Variants in PSD3 observed in about 807,000 individuals in gnomAD.
PSD3 encodes the protein pleckstrin and Sec7 domain containing 3.
In PSD3, 49 loss-of-function variants were observed where a neutral mutation model predicts 105.5. The ratio of observed to expected loss-of-function variants is 0.46; its 90% CI spans 0.37 to 0.59. PSD3 has a LOEUF of 0.59. Ranked by LOEUF, PSD3 falls within the 20% of genes least tolerant of loss-of-function variation. The probability of loss-of-function intolerance (pLI) is 0.00; values close to 1 mark genes in which losing one functional copy is unlikely to be tolerated. For synonymous variants in PSD3, 557 were observed against 457.8 expected, an observed-to-expected ratio of 1.22 and a Z score of -2.77; for missense variants, 1,561 against 1,263.8, an observed-to-expected ratio of 1.24 and a Z score of -3.57.
intron 4 of PSD3, among the ~76,000 whole-genome samples, chr8:18,852,643 T>C (rs1815683366): frequency 2.0e-5 from 3 of 152,168 alleles, no homozygotes; most frequent in Non-Finnish European, 4.4e-5. Context: ...GAAGGCTGCA[T>C]TTGAGAGATG....
chr8:18,806,481 T>C (rs1346175451), intron 4 of PSD3, among the ~76,000 whole-genome samples: 3 of 152,202 alleles, frequency 2.0e-5, no homozygotes, highest in African/African-American at 7.2e-5. Context: ...TTCCAAATCT[T>C]TATCTTAACT....
chr8:19,003,044 A>T (rs530950632), intron 1 of PSD3, among the ~76,000 whole-genome samples: 1 of 152,172 alleles, frequency 6.6e-6, no homozygotes, highest in African/African-American at 2.4e-5. Context: ...GCCCCTTCTA[A>T]CCACTAAATG....
chr8:18,682,920 T>C (rs890842217), intron 9 of PSD3, among the ~76,000 whole-genome samples: 1 of 152,016 alleles, frequency 6.6e-6, no homozygotes, highest in Non-Finnish European at 1.5e-5. Context: ...CTCTGCACAT[T>C]ATCAAGCCCA....
intron 11 of PSD3, among the ~76,000 whole-genome samples, chr8:18,604,785 G>C (rs1287578097): frequency 6.6e-6 from 1 of 152,194 alleles, no homozygotes; most frequent in Non-Finnish European, 1.5e-5. Flanking sequence ...AGCTTCTCCA[G>C]GTTCAGCCAT....
Position 18,559,041 on chromosome 8 carries a change from T to C in PSD3, c.2785-2689A>G, listed in dbSNP as rs540336567. Among the ~76,000 whole-genome samples the C allele has an allele frequency of 2.6e-5, 4 of 152,318 alleles. No individual in the cohort carries two copies. The East Asian group carries it at 7.7e-4, about 29-fold the overall frequency. On this transcript the variant is annotated intron_variant, in intron 14 of 15. Transcript: ENST00000327040. ...AAGGATATTTAGCTTGTTTTCAGGT[T>C]TCCTGTTGTGGGATTTTTTTTCCCT... is the stretch of plus-strand genomic sequence containing the variant.
intron 11 of PSD3, among the ~76,000 whole-genome samples, chr8:18,619,500 G>A (rs112417347): frequency 3.3e-5 from 5 of 152,154 alleles, no homozygotes; most frequent in African/African-American, 7.2e-5. Flanking sequence ...AAAATTAGCC[G>A]GGTGTGGTGG....
chr8:18,621,781 T>G (rs1180860953), intron 11 of PSD3, among the ~76,000 whole-genome samples: 1 of 152,186 alleles, frequency 6.6e-6, no homozygotes, highest in Non-Finnish European at 1.5e-5. Context: ...TGCTTGGCTT[T>G]GCCTGTACTT....
intron 1 of PSD3, among the ~76,000 whole-genome samples, chr8:18,974,112 C>T (rs758439048): frequency 3.3e-5 from 5 of 152,146 alleles, no homozygotes; most frequent in Non-Finnish European, 7.4e-5. Context: ...TACTAATAAC[C>T]ATATTACCAC....
intron 9 of PSD3, among the ~76,000 whole-genome samples, chr8:18,699,557 C>T (rs971247583): frequency 2.6e-5 from 4 of 152,144 alleles, no homozygotes; most frequent in African/African-American, 7.2e-5. Context: ...GTTTGACTAA[C>T]CTTCTACTCA....
chr8:18,544,097 A>G (rs1800304350), intron 15 of PSD3, among the ~76,000 whole-genome samples: 1 of 151,750 alleles, frequency 6.6e-6, no homozygotes, highest in Admixed American at 6.6e-5. Flanking sequence ...AAATGAGCAG[A>G]AAAGCAATAA....
At chr8:18,888,931 G>A (rs141383282) in intron 2 of PSD3, among the ~76,000 whole-genome samples, 159 of 152,238 alleles carry the variant, frequency 1.0e-3, no homozygotes, top group African/African-American at 3.4e-3. Flanking sequence ...CTGAGGAATT[G>A]TGAGCATCCC....
At chr8:18,581,542 T>C (rs574416767) in intron 12 of PSD3, among the ~76,000 whole-genome samples, 46 of 152,290 alleles carry the variant, frequency 3.0e-4, no homozygotes, top group African/African-American at 1.1e-3. Context: ...AATCAGCCCC[T>C]ATGCTGGTGT....
chr8:18,921,382 G>C (rs939338346), intron 2 of PSD3, among the ~76,000 whole-genome samples: 1 of 152,210 alleles, frequency 6.6e-6, no homozygotes, highest in African/African-American at 2.4e-5. Flanking sequence ...AAACACTAGG[G>C]GAGATGCTTA....
At chr8:19,022,552 G>A (rs1017755912) in intron 1 of PSD3, among the ~76,000 whole-genome samples, 3 of 152,184 alleles carry the variant, frequency 2.0e-5, no homozygotes, top group Admixed American at 6.5e-5. Flanking sequence ...CTATCCCAAA[G>A]CGGTTGGTCA....
intron 12 of PSD3, among the ~76,000 whole-genome samples, chr8:18,584,112 G>T (rs1010354505): frequency 6.6e-6 from 1 of 152,190 alleles, no homozygotes; most frequent in Non-Finnish European, 1.5e-5. Flanking sequence ...GTCTATGTTA[G>T]AAAATCTCAA....
intron 1 of PSD3, among the ~76,000 whole-genome samples, chr8:19,008,892 A>C (rs1368823791): frequency 1.3e-5 from 2 of 152,222 alleles, no homozygotes; most frequent in Non-Finnish European, 2.9e-5. Context: ...ACAATCTCTA[A>C]GCCCCAGCTC....
intron 2 of PSD3, among the ~76,000 whole-genome samples, chr8:18,916,349 TACACACAC>T (rs1216820670): frequency 2.2e-5 from 1 of 44,712 alleles, no homozygotes; most frequent in Non-Finnish European, 4.1e-5. Context: ...TATATATATA[TACACACAC>T]ACACACACAC....
At chr8:19,031,388 G>A (rs542725715) in intron 1 of PSD3, among the ~76,000 whole-genome samples, 44 of 152,314 alleles carry the variant, frequency 2.9e-4, no homozygotes, top group African/African-American at 1.0e-3. Flanking sequence ...TCAAAGAAAT[G>A]TGGATCAAGT....
Position 18,566,686 on chromosome 8 carries a change from G to A in PSD3, c.2784+5842C>T, listed in dbSNP as rs575616450. Among the ~76,000 whole-genome samples, 8 of 152,232 alleles carry A rather than the reference G, an allele frequency of 5.3e-5. 1 individual carries two copies. The highest frequency in any genetic ancestry group is 4.2e-4 in the South Asian group (2 of 4,816). ...TCCAAATAAATTAAATTCCTGAAATGATACGGTTACCTTGTCTTACATGAT... is the reference window on the plus strand; with the variant it reads ...TCCAAATAAATTAAATTCCTGAAATAATACGGTTACCTTGTCTTACATGAT... On this transcript the variant is annotated intron_variant, in intron 14 of 15. Coordinates refer to ENST00000327040, the MANE Select transcript of PSD3 (RefSeq NM_015310.4).
Sources: gnomAD v4.1 joint callset for allele counts (sites outside exome capture counted in the v4.1 genomes callset) on GRCh38, gnomAD v4.1.1 for gene constraint, MANE v1.5 for transcripts, NCBI Gene and HGNC (gene_info 2026-07-23, HGNC 2026-07-21) for gene names.